The following SCAPER variants were observed in gnomAD, a reference collection of about 807,000 sequenced individuals.
SCAPER encodes the protein S phase cyclin A-associated protein in the endoplasmic reticulum.
Under a neutral mutation model 182.2 loss-of-function variants are expected in SCAPER, and 98 were observed. The observed-to-expected ratio is 0.54, with a 90% CI of 0.46 to 0.64. The LOEUF is 0.64. SCAPER is among the 30% of genes least tolerant of loss of function. The probability of loss-of-function intolerance (pLI) is 0.00; values close to 1 mark genes in which losing one functional copy is unlikely to be tolerated. For synonymous variants in SCAPER, 605 were observed against 564.6 expected (o/e 1.07, Z -1.01); for missense variants, 1,432 against 1,690.0 (o/e 0.85, Z 2.68).
chr15:76,446,364 T>A (rs777134107), intron 25 of SCAPER, among the ~76,000 whole-genome samples: 1 of 152,334 alleles, frequency 6.6e-6, no homozygotes, highest in South Asian at 2.1e-4. Flanking sequence ...CAAGTGATCA[T>A]GATTAGATAA....
chr15:76,434,400 A>T (rs1289878135), intron 25 of SCAPER, 90 bp from the exon 26 acceptor site: 4 of 915,470 alleles, frequency 4.4e-6, no homozygotes, highest in Non-Finnish European at 6.6e-6. Context: ...AATCATAAGT[A>T]ATTTTGACAA....
intron 21 of SCAPER, among the ~76,000 whole-genome samples, chr15:76,634,541 C>A (rs1300122887): frequency 2.0e-5 from 3 of 152,148 alleles, no homozygotes; most frequent in Non-Finnish European, 4.4e-5. Context: ...GGGAGTATCA[C>A]CATCTCAAAA....
intron 14 of SCAPER, among the ~76,000 whole-genome samples, chr15:76,762,730 C>T (rs1217265150): frequency 6.6e-6 from 1 of 152,174 alleles, no homozygotes; most frequent in Admixed American, 6.5e-5. Context: ...CTCACTGCAG[C>T]CTCAAACTCC....
intron 14 of SCAPER, among the ~76,000 whole-genome samples, chr15:76,763,620 T>C (rs2062932652): frequency 1.3e-5 from 2 of 152,130 alleles, no homozygotes; most frequent in African/African-American, 4.8e-5. Flanking sequence ...AATGACAGTG[T>C]CCCATAAATC....
At chr15:76,384,379 A>T (rs1240311309) in intron 27 of SCAPER, among the ~76,000 whole-genome samples, 3 of 152,192 alleles carry the variant, frequency 2.0e-5, no homozygotes, top group Non-Finnish European at 4.4e-5. Flanking sequence ...ATCTTATAAT[A>T]CTTAGTCTTT....
chr15:76,463,212 A>G (rs1209309846), intron 25 of SCAPER, among the ~76,000 whole-genome samples: 1 of 152,160 alleles, frequency 6.6e-6, no homozygotes, highest in Non-Finnish European at 1.5e-5. Context: ...CAACTGGAAG[A>G]GTACTGTTAC....
intron 17 of SCAPER, among the ~76,000 whole-genome samples, chr15:76,724,038 C>T (rs1048364993): frequency 1.6e-4 from 24 of 152,116 alleles, no homozygotes; most frequent in African/African-American, 5.8e-4. Context: ...TACAATTTGA[C>T]ATGTTTTTGC....
intron 5 of SCAPER, among the ~76,000 whole-genome samples, chr15:76,812,497 A>AG (rs1555616449): frequency 8.2e-6 from 1 of 122,414 alleles, no homozygotes; most frequent in Non-Finnish European, 1.7e-5. Context: ...AAAAAAAAAA[A>AG]AAAGAAAGAA....
chr15:76,462,590 C>T (rs2049274351), intron 25 of SCAPER, among the ~76,000 whole-genome samples: 1 of 152,106 alleles, frequency 6.6e-6, no homozygotes, highest in Non-Finnish European at 1.5e-5. Context: ...CTTTATCTAT[C>T]AGTATTTGTA....
chr15:76,881,078 A>C (rs2073503014), intron 2 of SCAPER, among the ~76,000 whole-genome samples: 1 of 152,142 alleles, frequency 6.6e-6, no homozygotes, highest in South Asian at 2.1e-4. Flanking sequence ...AACTGAAAAC[A>C]GTTCTTTACT....
chr15:76,487,179 T>C (rs1218215437), intron 24 of SCAPER, among the ~76,000 whole-genome samples: 1 of 152,056 alleles, frequency 6.6e-6, no homozygotes, highest in Non-Finnish European at 1.5e-5. Context: ...CTGGGGCCTA[T>C]TGGAGTGTGG....
chr15:76,441,840 AG>A (rs1293844580), intron 25 of SCAPER, among the ~76,000 whole-genome samples: 1 of 152,116 alleles, frequency 6.6e-6, no homozygotes, highest in African/African-American at 2.4e-5. Context: ...TCAGAATATA[AG>A]CTCCACGAGA....
chr15:76,787,950 G>C (rs766006971), intron 8 of SCAPER, among the ~76,000 whole-genome samples: 3 of 152,092 alleles, frequency 2.0e-5, no homozygotes, highest in Non-Finnish European at 4.4e-5. Context: ...CACAACACGA[G>C]TGTCTAGAAT....
rs181677084 is a variant in SCAPER at position 76,809,513 on chromosome 15, A to G, written c.394-4880T>C. On this transcript the variant is annotated intron_variant, in intron 5 of 31. Coordinates refer to ENST00000563290, the MANE Select transcript of SCAPER (RefSeq NM_020843.4). ...AAACAGCAGACTAGATTAAGCAGAA[A>G]AAGGATCAGGAACTCTAAGACAGGT... is the stretch of plus-strand genomic sequence containing the variant. Among the ~76,000 whole-genome samples the G allele has an allele frequency of 4.5e-4, 68 of 152,252 alleles. No homozygotes were observed. In the East Asian group the frequency reaches 0.013, roughly 29 times the overall value.
At position 76,757,298 on chromosome 15, in the gene SCAPER, T is replaced by C. The variant is rs139038232; in HGVS notation, c.1726-3350A>G. Among the ~76,000 whole-genome samples the C allele has an allele frequency of 2.0e-3, 311 of 152,310 alleles. 5 individuals are homozygous for C. The highest frequency in any genetic ancestry group is 0.014 in the Middle Eastern group (4 of 294). On this transcript the variant is annotated intron_variant, in intron 14 of 31. Transcript: ENST00000563290. ...ACTCCATCTCCCCTCTCTGCTTCTATGAATGTGACTTTTTCCCATATTCCA... is the reference window on the plus strand; with the variant it reads ...ACTCCATCTCCCCTCTCTGCTTCTACGAATGTGACTTTTTCCCATATTCCA...
At chr15:76,727,815 GACTT>G (rs143892545) in intron 17 of SCAPER, among the ~76,000 whole-genome samples, 82 of 150,956 alleles carry the variant, frequency 5.4e-4, no homozygotes, top group African/African-American at 2.0e-3. Flanking sequence ...AACTAACAAA[GACTT>G]AGTATCTAGT....
At chr15:76,704,032 A>C (rs1394742140) in intron 18 of SCAPER, among the ~76,000 whole-genome samples, 1 of 152,166 alleles carries the variant, frequency 6.6e-6, no homozygotes, top group Non-Finnish European at 1.5e-5. Context: ...AGTAATGCTA[A>C]AAATTTTCTA....
At chr15:76,609,341 A>G (rs2145912707) in intron 22 of SCAPER, among the ~76,000 whole-genome samples, 1 of 147,976 alleles carries the variant, frequency 6.8e-6, no homozygotes, top group East Asian at 1.9e-4. Flanking sequence ...AAAAAAAAAA[A>G]TGCTGGGCAT....
At chr15:76,619,264 C>CT in intron 22 of SCAPER, among the ~76,000 whole-genome samples, 1 of 152,182 alleles carries the variant, frequency 6.6e-6, no homozygotes, top group South Asian at 2.1e-4. Context: ...AGTATTTATC[C>CT]TTTTTGTTGT....
Sources: gnomAD v4.1 joint callset for allele counts (sites outside exome capture counted in the v4.1 genomes callset) on GRCh38, gnomAD v4.1.1 for gene constraint, MANE v1.5 for transcripts, NCBI Gene and HGNC (gene_info 2026-07-23, HGNC 2026-07-21) for gene names.